The following POU2AF3 variants were observed in gnomAD, a reference collection of about 807,000 sequenced individuals.
POU2AF3 encodes the protein cancer susceptibility candidate 13.
At chr11:111,299,070 C>A in the POU2AF3 span, 2 of 986,716 alleles carry the variant, frequency 2.0e-6, no homozygotes, top group Non-Finnish European at 2.4e-6. Context: ...TAGGCTGGAG[C>A]GCGGAGAGGG....
the POU2AF3 span, chr11:111,308,050 T>C: frequency 3.4e-6 from 5 of 1,474,444 alleles, no homozygotes; most frequent in Non-Finnish European, 4.5e-6. Flanking sequence ...TCTTTGTTTC[T>C]TGGTTGTCAT....
At chr11:111,306,467 T>A in the POU2AF3 span, 7 of 1,509,952 alleles carry the variant, frequency 4.6e-6, no homozygotes, top group Non-Finnish European at 6.2e-6. Flanking sequence ...CCAGTTGTGT[T>A]TCATGTGAAG....
At chr11:111,302,801 C>T in the POU2AF3 span, among the ~76,000 whole-genome samples, 161 of 152,270 alleles carry the variant, frequency 1.1e-3, no homozygotes, top group Admixed American at 2.8e-3. Flanking sequence ...GACGTAAAAT[C>T]CCTCACTGGA....
chr11:111,308,172 C>T, the POU2AF3 span: 1 of 1,551,818 alleles, frequency 6.4e-7, no homozygotes, highest in Non-Finnish European at 8.7e-7. Context: ...TACAATTCCC[C>T]TGCTTCTCTG....
the POU2AF3 span, chr11:111,298,826 G>GCGGGGGGGCGC: frequency 7.6e-6 from 6 of 790,958 alleles, no homozygotes; most frequent in African/African-American, 1.8e-5. Flanking sequence ...CGTACCCCAG[G>GCGGGGGGGCGC]CCCCCGCCCG....
the POU2AF3 span, among the ~76,000 whole-genome samples, chr11:111,303,415 TAAGA>T: frequency 6.6e-6 from 1 of 152,242 alleles, no homozygotes; most frequent in Non-Finnish European, 1.5e-5. Context: ...GTTTGAAATC[TAAGA>T]GAGAGTTGCC....
At chr11:111,306,737 C>A in the POU2AF3 span, 1 of 788,738 alleles carries the variant, frequency 1.3e-6, no homozygotes, top group Non-Finnish European at 2.0e-6. Flanking sequence ...GCAAGGAAAT[C>A]ATCCAAGGAA....
the POU2AF3 span, chr11:111,298,826 G>GCGGGGGGGCCCCCC: frequency 1.1e-5 from 9 of 790,960 alleles, no homozygotes; most frequent in Non-Finnish European, 1.5e-5. Context: ...CGTACCCCAG[G>GCGGGGGGGCCCCCC]CCCCCGCCCG....
chr11:111,298,973 C>T, the POU2AF3 span: 1 of 1,009,360 alleles, frequency 9.9e-7, no homozygotes, highest in Non-Finnish European at 1.2e-6. Flanking sequence ...CTGAGCCGAG[C>T]TGTGGCGGTC....
At chr11:111,303,258 G>GAC in the POU2AF3 span, among the ~76,000 whole-genome samples, 2 of 151,954 alleles carry the variant, frequency 1.3e-5, no homozygotes, top group African/African-American at 4.8e-5. Flanking sequence ...CACACACACA[G>GAC]ACACACACAC....
At chr11:111,300,554 G>A in the POU2AF3 span, 3 of 1,231,962 alleles carry the variant, frequency 2.4e-6, no homozygotes, top group South Asian at 4.1e-5. Context: ...CAAGGTGTCC[G>A]AGTGAAGATC....
chr11:111,299,155 TG>T, the POU2AF3 span: 5 of 945,522 alleles, frequency 5.3e-6, no homozygotes, highest in African/African-American at 1.8e-5. Flanking sequence ...TCTCCTTTCC[TG>T]GGGAGACCCT....
chr11:111,301,793 A>G, the POU2AF3 span, among the ~76,000 whole-genome samples: 3 of 152,222 alleles, frequency 2.0e-5, no homozygotes, highest in Non-Finnish European at 4.4e-5. Flanking sequence ...AGTGCTCAAT[A>G]AATGTTAGTT....
chr11:111,300,713 G>T, the POU2AF3 span: 1 of 563,718 alleles, frequency 1.8e-6, no homozygotes, highest in Non-Finnish European at 2.6e-6. Context: ...AAGGCCCCAC[G>T]CACTCACCAT....
At chr11:111,308,156 G>A in the POU2AF3 span, 20 of 1,551,586 alleles carry the variant, frequency 1.3e-5, no homozygotes, top group African/African-American at 2.6e-4. Flanking sequence ...ATATGCTCCA[G>A]AGAATTACAA....
chr11:111,298,821 C>T, the POU2AF3 span: 84 of 917,048 alleles, frequency 9.2e-5, no homozygotes, highest in African/African-American at 1.3e-3. Flanking sequence ...GTCCGCGTAC[C>T]CCAGGCCCCC....
At chr11:111,298,827 C>CCGGGCG in the POU2AF3 span, 3 of 631,566 alleles carry the variant, frequency 4.8e-6, no homozygotes, top group Non-Finnish European at 6.7e-6. Context: ...GTACCCCAGG[C>CCGGGCG]CCCCGCCCGC....
chr11:111,298,961 C>A, the POU2AF3 span: 4 of 1,018,108 alleles, frequency 3.9e-6, no homozygotes, highest in Non-Finnish European at 4.7e-6. Flanking sequence ...GCACCGACTG[C>A]ACTGAGCCGA....
chr11:111,305,580 C>T, the POU2AF3 span, among the ~76,000 whole-genome samples: 1 of 152,216 alleles, frequency 6.6e-6, no homozygotes, highest in Non-Finnish European at 1.5e-5. Flanking sequence ...GTAGCTTCAC[C>T]TTAAAGGAAC....
Sources: gnomAD v4.1 joint callset for allele counts (sites outside exome capture counted in the v4.1 genomes callset) on GRCh38, gnomAD v4.1.1 for gene constraint, MANE v1.5 for transcripts, NCBI Gene and HGNC (gene_info 2026-07-23, HGNC 2026-07-21) for gene names.